Variants in HECTD2 observed in about 807,000 individuals in gnomAD.
HECTD2 encodes the protein HECT domain E3 ubiquitin protein ligase 2, also known as probable E3 ubiquitin-protein ligase HECTD2.
Under a neutral mutation model 103.2 loss-of-function variants are expected in HECTD2, and 35 were observed. The ratio of observed to expected loss-of-function variants is 0.34; its 90% CI spans 0.26 to 0.45. The LOEUF (loss-of-function observed/expected upper bound fraction) is 0.45, where lower values mean the gene tolerates loss of function less well. Among genes scored for constraint, HECTD2 ranks in the 20% least tolerant of loss-of-function variants. HECTD2 has a pLI of 1.00. For synonymous variants in HECTD2, 281 were observed against 329.9 expected (o/e 0.85, Z 1.61); for missense variants, 596 against 937.4 (o/e 0.64, Z 4.76).
At position 91,499,205 on chromosome 10, in the gene HECTD2, T is replaced by C. The variant is rs557897460; in HGVS notation, c.1950+55T>C. On this transcript the variant is annotated intron_variant, in intron 18 of 20. Transcript: ENST00000298068. ...GGTTAGCTTTTGTAGTACTATCATGTTAACAAATAATTAATAAATATTTTA... is the reference window on the plus strand; with the variant it reads ...GGTTAGCTTTTGTAGTACTATCATGCTAACAAATAATTAATAAATATTTTA... The C allele has an allele frequency of 9.0e-6, 8 of 888,062 alleles. No homozygotes were observed. In the East Asian group the frequency reaches 2.0e-4, roughly 22 times the overall value. 55.0% of individuals were successfully genotyped at this position (888,062 alleles called of 1,614,324 possible).
Position 91,512,441 on chromosome 10 carries a change from G to A in HECTD2, c.*57G>A. On this transcript the variant is annotated 3_prime_UTR_variant, in exon 21 of 21. Transcript: ENST00000298068. ...GTAGCATTCACTTCCCTCTTACTGT[G>A]CCTTTAGCCTTTTCATGTTTCTGTC... The A allele has an allele frequency of 7.0e-7, 1 of 1,420,374 alleles. No individual in the cohort carries two copies. The highest frequency in any genetic ancestry group is 9.6e-7 in the Non-Finnish European group (1 of 1,038,098). The allele number at this position is 1,420,374 out of a possible 1,614,324, so 88.0% of individuals were successfully genotyped here. A position where few individuals can be genotyped will look rare whatever the true frequency, so the allele number is the denominator to read the frequency against.
intron 20 of HECTD2, among the ~76,000 whole-genome samples, chr10:91,506,892 C>A (rs11498512): frequency 6.9e-6 from 1 of 144,102 alleles, no homozygotes; most frequent in South Asian, 2.1e-4. Flanking sequence ...ACTGGCAAAA[C>A]GAATCCAGCA....
chr10:91,499,084 C>A lies in HECTD2; in HGVS notation c.1884C>A (p.Ser628=), dbSNP rs1846791914. The change falls in exon 18 of 21, where the codon TCC becomes TCA. Residue 628 remains serine, a synonymous_variant. Transcript: ENST00000298068. ...QLYTDFLLNK[S]IYKQFAAFYY... ...ATACTGACTTCCTTCTGAACAAATC[C>A]ATCTATAAGCAGTTTGCTGCATTTT... 6.2e-7 allele frequency: 1 copy of A among 1,612,688 alleles called. No individual in the cohort carries two copies. The highest frequency in any genetic ancestry group is 1.3e-5 in the African/African-American group (1 of 74,836).
intron 5 of HECTD2, among the ~76,000 whole-genome samples, chr10:91,471,009 CACGCACACACACAAAG>C (rs1371215891): frequency 6.9e-6 from 1 of 144,562 alleles, no homozygotes; most frequent in African/African-American, 2.9e-5. Context: ...CACAGACACA[CACGCACACACACAAAG>C]AAAACCTCAG....
chr10:91,415,784 C>T (rs1843103234), intron 1 of HECTD2, among the ~76,000 whole-genome samples: 2 of 152,110 alleles, frequency 1.3e-5, no homozygotes, highest in South Asian at 4.1e-4. Context: ...ATATTTGTTA[C>T]TAGAGATAGA....
intron 2 of HECTD2, among the ~76,000 whole-genome samples, chr10:91,437,619 C>CTTTTTTTTTTTTTTTTTTTTGTTGTTT (rs59785873): frequency 1.5e-4 from 13 of 87,214 alleles, no homozygotes; most frequent in East Asian, 7.7e-4. Flanking sequence ...GATGGTTGTT[C>CTTTTTTTTTTTTTTTTTTTTGTTGTTT]TTTTTTTTTT....
chr10:91,410,550 G>GT lies in HECTD2; in HGVS notation c.113dup (p.Ser39IlefsTer29), dbSNP rs1212340890. On this transcript the variant is annotated frameshift_variant, in exon 1 of 21. Coordinates refer to ENST00000298068, the MANE Select transcript of HECTD2 (RefSeq NM_182765.6). LOFTEE classifies it high-confidence loss of function. ...AGAGCGCGAGAAGCTGCCGCCCATC[G>GT]TATCGGCGGGCGCCGGCGCGACCGC... 3 of 1,446,952 alleles carry GT rather than the reference G, an allele frequency of 2.1e-6. No homozygotes were observed. Among genetic ancestry groups the GT allele is most frequent in the Admixed American group, 4.7e-5 (2 of 42,544 alleles). 89.6% of individuals were successfully genotyped at this position (1,446,952 alleles called of 1,614,324 possible). A position where few individuals can be genotyped will look rare whatever the true frequency, so the allele number is the denominator to read the frequency against.
Position 91,493,420 on chromosome 10 carries a change from G to A in HECTD2, c.1433G>A (p.Gly478Asp). The A allele has an allele frequency of 1.4e-6, 2 of 1,481,048 alleles. No homozygotes were observed. The highest frequency in any genetic ancestry group is 1.8e-6 in the Non-Finnish European group (2 of 1,110,042). The allele number at this position is 1,481,048 out of a possible 1,614,324, so 91.7% of individuals were successfully genotyped here. ...TAACATTATTCGTGTGTTTTTTTAG[G>A]CATGTTTACATATCACAAGGATTCA... ...LIRQIFHPDY[G>D]MFTYHKDSHC... is the part of the protein sequence containing the mutation. The change falls in exon 14 of 21, where the codon GGC (glycine) becomes GAC (aspartate). Residue 478 changes from glycine (G) to aspartate (D), a missense_variant and splice_region_variant. Transcript: ENST00000298068.
rs1847537992 is a variant in HECTD2, at chr10:91,514,491, A to C, written c.*2107A>C. On this transcript the variant is annotated 3_prime_UTR_variant, in exon 21 of 21. Transcript: ENST00000298068. ...CACTACTGTTACATTTTATTAATTT[A>C]AAAAGCTAGAAAATTCATGTAGTTA... 6.6e-6 allele frequency: 1 copy of C among 152,638 alleles called. No individual in the cohort carries two copies. The highest frequency in any genetic ancestry group is 1.5e-5 in the Non-Finnish European group (1 of 68,032). The allele number at this position is 152,638 out of a possible 1,614,324, so 9.5% of individuals were successfully genotyped here.
chr10:91,429,676 G>A (rs1201713965), intron 2 of HECTD2, among the ~76,000 whole-genome samples: 3 of 151,842 alleles, frequency 2.0e-5, no homozygotes, highest in East Asian at 1.9e-4. Context: ...AGAGGTGTTT[G>A]TAGTATTCTC....
At chr10:91,488,541 A>G (rs774381143) in intron 11 of HECTD2, 1 of 152,200 alleles carries the variant, frequency 6.6e-6, no homozygotes, top group Non-Finnish European at 1.5e-5. Context: ...ACAATTTTAA[A>G]AGAGGGAAGC....
At chr10:91,464,857 A>G in intron 5 of HECTD2, 1 of 152,230 alleles carries the variant, frequency 6.6e-6, no homozygotes, top group Non-Finnish European at 1.5e-5. Flanking sequence ...TTGGAATATT[A>G]ATATGTTATA....
intron 1 of HECTD2, among the ~76,000 whole-genome samples, chr10:91,421,968 A>AT (rs1247556037): frequency 6.6e-6 from 1 of 152,146 alleles, no homozygotes; most frequent in Non-Finnish European, 1.5e-5. Context: ...ATTCCTCTTC[A>AT]TTCCCTATTA....
chr10:91,475,227 G>A (rs1288407651), intron 5 of HECTD2, among the ~76,000 whole-genome samples: 2 of 152,178 alleles, frequency 1.3e-5, no homozygotes, highest in Admixed American at 6.5e-5. Context: ...TGTAGTAGTT[G>A]AAGCAAAAGT....
At chr10:91,418,774 T>C (rs1564697032) in intron 1 of HECTD2, among the ~76,000 whole-genome samples, 1 of 152,170 alleles carries the variant, frequency 6.6e-6, no homozygotes, top group Non-Finnish European at 1.5e-5. Flanking sequence ...CCAGGATGGC[T>C]CTGATTGGTA....
At chr10:91,427,519 C>G (rs1237775334) in intron 2 of HECTD2, among the ~76,000 whole-genome samples, 1 of 152,106 alleles carries the variant, frequency 6.6e-6, no homozygotes, top group African/African-American at 2.4e-5. Context: ...CCTGTTGTTT[C>G]CTGACTTTTT....
At chr10:91,414,094 C>T (rs1236944510) in intron 1 of HECTD2, among the ~76,000 whole-genome samples, 5 of 152,100 alleles carry the variant, frequency 3.3e-5, no homozygotes, top group South Asian at 2.1e-4. Flanking sequence ...ACAGTGGCAG[C>T]GAGGATGAAT....
chr10:91,413,493 A>C (rs1180259386), intron 1 of HECTD2, among the ~76,000 whole-genome samples: 1 of 152,238 alleles, frequency 6.6e-6, no homozygotes, highest in Non-Finnish European at 1.5e-5. Context: ...GAAACTTTTA[A>C]AGCCATCATT....
chr10:91,460,165 A>AG (rs1402246026), intron 2 of HECTD2, among the ~76,000 whole-genome samples: 2 of 152,086 alleles, frequency 1.3e-5, no homozygotes, highest in African/African-American at 4.8e-5. Flanking sequence ...AACAATTTTG[A>AG]GGGGGAAGGG....
Sources: gnomAD v4.1 joint callset for allele counts (sites outside exome capture counted in the v4.1 genomes callset) on GRCh38, gnomAD v4.1.1 for gene constraint, MANE v1.5 for transcripts, NCBI Gene and HGNC (gene_info 2026-07-23, HGNC 2026-07-21) for gene names.